Variants in PTPN14 observed in about 807,000 individuals in gnomAD.
PTPN14 encodes the protein tyrosine-protein phosphatase non-receptor type 14.
PTPN14 carries 53 observed loss-of-function variants against 126.8 expected under a neutral mutation model. That is an observed-to-expected ratio of 0.42 (90% CI 0.34 to 0.53). The LOEUF (loss-of-function observed/expected upper bound fraction) is 0.53, where lower values mean the gene tolerates loss of function less well. PTPN14 is among the 20% of genes least tolerant of loss of function. The probability of loss-of-function intolerance (pLI) is 0.08; values close to 1 mark genes in which losing one functional copy is unlikely to be tolerated. For synonymous variants in PTPN14, 630 were observed against 599.3 expected (o/e 1.05, Z -0.75); for missense variants, 1,257 against 1,552.9 (o/e 0.81, Z 3.20).
At chr1:214,423,061 G>A (rs1659578830) in intron 3 of PTPN14, among the ~76,000 whole-genome samples, 1 of 152,100 alleles carries the variant, frequency 6.6e-6, no homozygotes, top group South Asian at 2.1e-4. Flanking sequence ...GAGGGGCTGA[G>A]GTGAGGAGAT....
At chr1:214,468,492 G>T (rs987525126) in intron 1 of PTPN14, among the ~76,000 whole-genome samples, 1 of 152,060 alleles carries the variant, frequency 6.6e-6, no homozygotes, top group Non-Finnish European at 1.5e-5. Context: ...GGAGGCAGAG[G>T]TTGCAGTGAG....
At position 214,549,658 on chromosome 1, in the gene PTPN14, A is replaced by T. The variant is rs79664015; in HGVS notation, c.-155+1525T>A. On this transcript the variant is annotated intron_variant, in intron 1 of 18. Transcript: ENST00000366956. ...CTACGGCTGTCAAACAGCCTTTTTA[A>T]AAAAGGAATCATTGCTTGAATGTGG... Among the ~76,000 whole-genome samples the T allele has an allele frequency of 5.3e-4, 80 of 152,314 alleles. 1 individual carries two copies. In the East Asian group the frequency reaches 0.015, roughly 29 times the overall value.
chr1:214,459,149 CTTTTTTTTTT>C (rs5780785), intron 2 of PTPN14, among the ~76,000 whole-genome samples: 21 of 135,810 alleles, frequency 1.5e-4, no homozygotes, highest in Non-Finnish European at 2.6e-4. Flanking sequence ...CTCTTTTCTT[CTTTTTTTTTT>C]TTTTTGAGAC....
chr1:214,402,965 G>C lies in PTPN14; in HGVS notation c.511-12C>G. 6.2e-7 allele frequency: 1 copy of C among 1,613,578 alleles called. No homozygotes were observed. Among genetic ancestry groups the C allele is most frequent in the Non-Finnish European group, 8.5e-7 (1 of 1,179,550 alleles). On this transcript the variant is annotated splice_polypyrimidine_tract_variant and intron_variant, in intron 5 of 18. Transcript: ENST00000366956. ...TCCAGGGCCAAATCCTATAAGAATAGAAAGTGCTTAAGGTCACATGAGGGT... is the reference window on the plus strand; with the variant it reads ...TCCAGGGCCAAATCCTATAAGAATACAAAGTGCTTAAGGTCACATGAGGGT...
At position 214,527,375 on chromosome 1, in the gene PTPN14, A is replaced by C. The variant is rs917920497; in HGVS notation, c.-155+23808T>G. ...TTAGAAATTTATACTGCGAAGCCCT[A>C]ATTCTCAAGGGGACTCAGCTCATTC... On this transcript the variant is annotated intron_variant, in intron 1 of 18. Transcript: ENST00000366956. Among the ~76,000 whole-genome samples the C allele has an allele frequency of 4.6e-5, 7 of 152,108 alleles. No individual in the cohort carries two copies. The East Asian group carries it at 1.3e-3, about 29-fold the overall frequency.
In PTPN14 at chr1:214,532,288, A is replaced by G. The variant is rs1420765181; in HGVS notation, c.-155+18895T>C. 34 of 467,870 alleles carry G rather than the reference A, an allele frequency of 7.3e-5. No homozygotes were observed. In the Admixed American group the frequency reaches 8.5e-4, roughly 12 times the overall value. 29.0% of individuals were successfully genotyped at this position (467,870 alleles called of 1,614,324 possible). A position where few individuals can be genotyped will look rare whatever the true frequency, so the allele number is the denominator to read the frequency against. On this transcript the variant is annotated intron_variant, in intron 1 of 18. Coordinates refer to ENST00000366956, the MANE Select transcript of PTPN14 (RefSeq NM_005401.5). ...CTGGTCAACAGCGTGGCCAGAGCCT[A>G]TGCACGTGCCAGGGGCTCTGGTTTC...
intron 13 of PTPN14, among the ~76,000 whole-genome samples, chr1:214,379,582 A>G (rs1264567400): frequency 6.6e-6 from 1 of 152,260 alleles, no homozygotes; most frequent in Admixed American, 6.5e-5. Flanking sequence ...CTAAGCTAAA[A>G]GGAAAAGTCA....
intron 3 of PTPN14, among the ~76,000 whole-genome samples, chr1:214,423,115 A>G (rs1476288130): frequency 1.3e-5 from 2 of 152,006 alleles, no homozygotes; most frequent in East Asian, 3.9e-4. Flanking sequence ...AAAACCCAAA[A>G]GAAACAAAAA....
At position 214,386,886 on chromosome 1, in the gene PTPN14, C is replaced by G. The variant is rs777995212; in HGVS notation, c.1024G>C (p.Val342Leu). 1 of 1,609,374 alleles carries G rather than the reference C, an allele frequency of 6.2e-7. No individual in the cohort carries two copies. The highest frequency in any genetic ancestry group is 1.1e-5 in the South Asian group (1 of 90,786). ...QQPYILPPVH[V>L]QCGEHYSETH... ...TCCGAGTAGTGCTCACCACACTGGACGTGAACGGGAGGCAGGATGTACGGC... is the reference window on the plus strand; with the variant it reads ...TCCGAGTAGTGCTCACCACACTGGAGGTGAACGGGAGGCAGGATGTACGGC... Residue 342 changes from valine to leucine, a missense_variant, in exon 12 of 19, where the codon GTC (valine) becomes CTC (leucine). Physicochemically the swap from Val to Leu is conservative, Grantham distance 32. Coordinates refer to ENST00000366956, the MANE Select transcript of PTPN14 (RefSeq NM_005401.5).
intron 7 of PTPN14, among the ~76,000 whole-genome samples, chr1:214,399,322 T>C (rs537312778): frequency 2.0e-5 from 3 of 152,152 alleles, no homozygotes; most frequent in Non-Finnish European, 2.9e-5. Context: ...GATAGAGAGA[T>C]AGATATTTTT....
chr1:214,355,685 G>A lies in PTPN14; in HGVS notation c.*2237C>T, dbSNP rs1384313036. On this transcript the variant is annotated 3_prime_UTR_variant, in exon 19 of 19. Transcript: ENST00000366956. ...ATATTCCGAGTCTAACTAGAGTACA[G>A]CCACCACAACACCTGGCCAGGTTGA... 1 of 152,148 alleles carries A rather than the reference G, an allele frequency of 6.6e-6. No homozygotes were observed. Among genetic ancestry groups the A allele is most frequent in the Non-Finnish European group, 1.5e-5 (1 of 68,040 alleles). 9.4% of individuals were successfully genotyped at this position (152,148 alleles called of 1,614,324 possible).
intron 1 of PTPN14, among the ~76,000 whole-genome samples, chr1:214,471,937 A>G (rs1231526531): frequency 6.6e-6 from 1 of 152,204 alleles, no homozygotes; most frequent in Admixed American, 6.5e-5. Context: ...TTGGTCTTAT[A>G]AAATCCATGA....
intron 1 of PTPN14, among the ~76,000 whole-genome samples, chr1:214,496,787 A>G (rs1236266960): frequency 6.6e-6 from 1 of 152,178 alleles, no homozygotes; most frequent in African/African-American, 2.4e-5. Flanking sequence ...AATTTGATCT[A>G]TATTCCACAG....
intron 7 of PTPN14, among the ~76,000 whole-genome samples, chr1:214,399,606 C>T (rs1380552279): frequency 6.6e-6 from 1 of 152,242 alleles, no homozygotes; most frequent in African/African-American, 2.4e-5. Context: ...CCTCTTAAAG[C>T]TCTCGATGTG....
chr1:214,517,759 A>G (rs75646084), intron 1 of PTPN14, among the ~76,000 whole-genome samples: 12,162 of 152,098 alleles, frequency 0.08, 673 homozygotes, highest in East Asian at 0.28. Flanking sequence ...AGCCTGGCCA[A>G]CATAGCGAAA....
intron 17 of PTPN14, among the ~76,000 whole-genome samples, chr1:214,368,977 G>A (rs762083218): frequency 7.9e-5 from 12 of 152,072 alleles, no homozygotes; most frequent in African/African-American, 1.7e-4. Flanking sequence ...GCGAGACTCC[G>A]CCTCAGAAAA....
At position 214,354,109 on chromosome 1, in the gene PTPN14, A is replaced by G. The variant is rs1389994862; in HGVS notation, c.*3813T>C. On this transcript the variant is annotated 3_prime_UTR_variant, in exon 19 of 19. Transcript: ENST00000366956. ...GCCATGGTCAAGTCCTACAAGGCCC[A>G]CCCTCAGCAGTCTACAAAGACCCTC... 6.6e-6 allele frequency: 1 copy of G among 152,186 alleles called. No individual in the cohort carries two copies. The highest frequency in any genetic ancestry group is 6.5e-5 in the Admixed American group (1 of 15,276). 9.4% of individuals were successfully genotyped at this position (152,186 alleles called of 1,614,324 possible).
In PTPN14 at chr1:214,383,036, T is replaced by C. The variant is rs976362739; in HGVS notation, c.2544+275A>G. 2.0e-5 allele frequency among the ~76,000 whole-genome samples: 3 copies of C among 152,152 alleles called. No individual in the cohort carries two copies. Among genetic ancestry groups the C allele is most frequent in the Admixed American group, 1.3e-4 (2 of 15,282 alleles). Reference sequence around the variant, plus strand: ...ACTTCCCCAATACCAGCTTACCCAATTGGAAGTCTGAGCTTTGAATAAACA... The same window carrying C: ...ACTTCCCCAATACCAGCTTACCCAACTGGAAGTCTGAGCTTTGAATAAACA... On this transcript the variant is annotated intron_variant, in intron 13 of 18. Coordinates refer to ENST00000366956, the MANE Select transcript of PTPN14 (RefSeq NM_005401.5). This position sits in a 1 kb window ranked among gnomAD's most constrained non-coding sequence, Gnocchi z 4.4.
At chr1:214,456,779 C>A (rs1660392959) in intron 2 of PTPN14, among the ~76,000 whole-genome samples, 1 of 152,180 alleles carries the variant, frequency 6.6e-6, no homozygotes. Flanking sequence ...GGTGCCATTA[C>A]ATTCTAGGAT....
Sources: gnomAD v4.1 joint callset for allele counts (sites outside exome capture counted in the v4.1 genomes callset) on GRCh38, gnomAD v4.1.1 for gene constraint, Gnocchi (gnomAD v3.1) non-coding constraint, MANE v1.5 for transcripts, NCBI Gene and HGNC (gene_info 2026-07-23, HGNC 2026-07-21) for gene names.